Variants in MED13L observed in about 807,000 individuals in gnomAD.
MED13L encodes mediator complex subunit 13L, also known as mediator of RNA polymerase II transcription subunit 13-like.
In MED13L, 7 loss-of-function variants were observed where a neutral mutation model predicts 220.9. The ratio of observed to expected loss-of-function variants is 0.03; its 90% confidence interval spans 0.02 to 0.06. The LOEUF (loss-of-function observed/expected upper bound fraction) is 0.06, where lower values mean the gene tolerates loss of function less well. Among genes scored for constraint, MED13L ranks in the 10% least tolerant of loss-of-function variants. The probability of loss-of-function intolerance (pLI) is 1.00; values close to 1 mark genes in which losing one functional copy is unlikely to be tolerated. For synonymous variants in MED13L, 1,011 were observed against 1,015.2 expected (o/e 1.00, Z 0.08); for missense variants, 1,965 against 2,760.5 (o/e 0.71, Z 6.46).
rs188179365 is a variant in MED13L at position 116,177,142 on chromosome 12, C to T, written c.310+60326G>A. On this transcript the variant is annotated intron_variant, in intron 2 of 30. Transcript: ENST00000281928. ...AACACACCTGTGTAATGAGTACCCC[C>T]CTCCCCCACTCACCAACACCGAAAT... 2.2e-3 allele frequency among the ~76,000 whole-genome samples: 336 copies of T among 152,064 alleles called. 2 individuals carry two copies. Among genetic ancestry groups the T allele is most frequent in the African/African-American group, 7.7e-3 (321 of 41,478 alleles).
At chr12:116,161,831 C>A (rs564431633) in intron 2 of MED13L, among the ~76,000 whole-genome samples, 2 of 152,212 alleles carry the variant, frequency 1.3e-5, no homozygotes, top group South Asian at 4.1e-4. Flanking sequence ...GTGTTTCTAA[C>A]CTAACCACTC....
intron 2 of MED13L, among the ~76,000 whole-genome samples, chr12:116,126,841 T>C (rs1442272141): frequency 3.3e-5 from 5 of 152,202 alleles, no homozygotes; most frequent in African/African-American, 1.2e-4. Context: ...GGATTTTAAA[T>C]GTTTATAAAG....
chr12:116,250,245 T>C (rs1871414095), intron 1 of MED13L, among the ~76,000 whole-genome samples: 1 of 151,682 alleles, frequency 6.6e-6, no homozygotes. Context: ...TTCCCAAATC[T>C]AGACTTTTAG....
chr12:116,224,142 T>C (rs1392313108), intron 2 of MED13L, among the ~76,000 whole-genome samples: 1 of 152,146 alleles, frequency 6.6e-6, no homozygotes, highest in East Asian at 1.9e-4. Context: ...AGCTTCTATC[T>C]AAGTCCTATT....
At position 116,221,566 on chromosome 12, in the gene MED13L, A is replaced by G. The variant is rs534896132; in HGVS notation, c.310+15902T>C. On this transcript the variant is annotated intron_variant, in intron 2 of 30. Coordinates refer to ENST00000281928, the MANE Select transcript of MED13L (RefSeq NM_015335.5). ...TTTTCTGGTTCCCAATTTTCAATATATAATTCTTTCAAACCTTCATTCATT... is the reference window on the plus strand; with the variant it reads ...TTTTCTGGTTCCCAATTTTCAATATGTAATTCTTTCAAACCTTCATTCATT... Among the ~76,000 whole-genome samples, 11 of 152,274 alleles carry G rather than the reference A, an allele frequency of 7.2e-5. No individual in the cohort carries two copies. The South Asian group carries it at 8.3e-4, about 11-fold the overall frequency.
At chr12:116,005,736 T>TA in intron 13 of MED13L, 133 bp downstream of exon 13, 1 of 1,192,004 alleles carries the variant, frequency 8.4e-7, no homozygotes, top group Non-Finnish European at 1.2e-6. Context: ...TACAGACATT[T>TA]ATAAAGAACA....
intron 2 of MED13L, among the ~76,000 whole-genome samples, chr12:116,139,805 A>C (rs911765426): frequency 1.3e-5 from 2 of 151,960 alleles, no homozygotes; most frequent in Non-Finnish European, 2.9e-5. Context: ...CCCCATCTCT[A>C]CTAAAAATAC....
chr12:116,002,025 C>T (rs1001380663), intron 14 of MED13L, among the ~76,000 whole-genome samples: 1 of 152,210 alleles, frequency 6.6e-6, no homozygotes, highest in African/African-American at 2.4e-5. Context: ...ATCTGACCTG[C>T]ACATATCTAT....
chr12:116,182,775 C>T (rs541596267), intron 2 of MED13L, among the ~76,000 whole-genome samples: 5 of 152,282 alleles, frequency 3.3e-5, no homozygotes, highest in African/African-American at 1.2e-4. Flanking sequence ...TACATGTTTA[C>T]TCTCCCCACC....
At chr12:116,110,260 C>T (rs1040384324) in intron 3 of MED13L, 8 of 151,896 alleles carry the variant, frequency 5.3e-5, no homozygotes, top group African/African-American at 1.9e-4. Context: ...CTGACCAAAT[C>T]TGGAAAAATT....
chr12:116,116,863 G>A (rs1009194182), intron 2 of MED13L, among the ~76,000 whole-genome samples: 6 of 150,734 alleles, frequency 4.0e-5, no homozygotes, highest in African/African-American at 1.5e-4. Context: ...TGTTGTGAGA[G>A]TACATGAGAA....
chr12:116,052,950 T>C lies in MED13L; in HGVS notation c.480-30349A>G, dbSNP rs183593132. 1.7e-3 allele frequency among the ~76,000 whole-genome samples: 258 copies of C among 152,318 alleles called. 7 individuals are homozygous for C. The highest frequency in any genetic ancestry group is 3.4e-4 in the Non-Finnish European group (23 of 68,010). Reference sequence around the variant, plus strand: ...TGGGCAACATATTAATAGTAAGTCATGTAAGGCAAGCATCATCATTAACGT... The same window carrying C: ...TGGGCAACATATTAATAGTAAGTCACGTAAGGCAAGCATCATCATTAACGT... On this transcript the variant is annotated intron_variant, in intron 4 of 30. Coordinates refer to ENST00000281928, the MANE Select transcript of MED13L (RefSeq NM_015335.5).
intron 2 of MED13L, among the ~76,000 whole-genome samples, chr12:116,169,461 A>AT (rs1221141303): frequency 6.6e-6 from 1 of 152,164 alleles, no homozygotes; most frequent in Non-Finnish European, 1.5e-5. Context: ...ACTGATTTTC[A>AT]TTTTCGCAAA....
At chr12:116,102,195 A>G (rs1873116115) in intron 3 of MED13L, among the ~76,000 whole-genome samples, 1 of 152,226 alleles carries the variant, frequency 6.6e-6, no homozygotes, top group Non-Finnish European at 1.5e-5. Context: ...ATGGCTCTGA[A>G]TAATTAAGTG....
chr12:116,188,742 C>A, intron 2 of MED13L, among the ~76,000 whole-genome samples: 1 of 152,088 alleles, frequency 6.6e-6, no homozygotes, highest in African/African-American at 2.4e-5. Flanking sequence ...CTCCCACTTC[C>A]ACCCCTCCTA....
chr12:115,991,148 T>C lies in MED13L; in HGVS notation c.3806A>G (p.Asn1269Ser). The stretch of plus-strand genomic sequence containing the variant: ...ATTAAAGCATTCCGTCCAGTAATCA[T>C]TATTATCTGCTTGCACCCGGTCATA... ...WSYDRVQADN[N>S]DYWTECFNAL... The change falls in exon 17 of 31, where the codon AAT becomes AGT. Residue 1269 changes from asparagine to serine, a missense_variant. By Grantham distance (46) the Asn-to-Ser change is conservative. Coordinates refer to ENST00000281928, the MANE Select transcript of MED13L (RefSeq NM_015335.5). This position sits in a 1 kb window ranked among gnomAD's most constrained non-coding sequence, Gnocchi z 7.7. 1 of 1,614,198 alleles carries C rather than the reference T, an allele frequency of 6.2e-7. No individual in the cohort carries two copies. The highest frequency in any genetic ancestry group is 1.6e-4 in the Middle Eastern group (1 of 6,062).
chr12:116,055,890 G>A (rs1273061800), intron 4 of MED13L, among the ~76,000 whole-genome samples: 2 of 150,324 alleles, frequency 1.3e-5, no homozygotes, highest in Admixed American at 6.6e-5. Context: ...GAGACTCCCC[G>A]TCTCCAAAAA....
In MED13L at chr12:116,038,682, A is replaced by G. The variant is rs569838637; in HGVS notation, c.480-16081T>C. Among the ~76,000 whole-genome samples, 198 of 144,934 alleles carry G rather than the reference A, an allele frequency of 1.4e-3. 1 individual carries two copies. Among genetic ancestry groups the G allele is most frequent in the Non-Finnish European group, 2.2e-3 (147 of 66,776 alleles). On this transcript the variant is annotated intron_variant, in intron 4 of 30. Coordinates refer to ENST00000281928, the MANE Select transcript of MED13L (RefSeq NM_015335.5). The stretch of plus-strand genomic sequence containing the variant: ...GAGTGTAAAACAGATGGAAGTTCCA[A>G]CATGCTGCCCTTCATCAGGTCAACA...
chr12:116,034,898 G>A (rs778407329), intron 4 of MED13L, among the ~76,000 whole-genome samples: 1 of 152,104 alleles, frequency 6.6e-6, no homozygotes, highest in Admixed American at 6.5e-5. Flanking sequence ...CCAGATACTC[G>A]GGAGGCTGAG....
Sources: gnomAD v4.1 joint callset for allele counts (sites outside exome capture counted in the v4.1 genomes callset) on GRCh38, gnomAD v4.1.1 for gene constraint, Gnocchi (gnomAD v3.1) non-coding constraint, MANE v1.5 for transcripts, NCBI Gene and HGNC (gene_info 2026-07-23, HGNC 2026-07-21) for gene names.